The following CEP76 variants were observed in gnomAD, a reference collection of about 807,000 sequenced individuals.
CEP76 encodes the protein centrosomal protein of 76 kDa.
Under a neutral mutation model 83.3 loss-of-function variants are expected in CEP76, and 55 were observed. That is an observed-to-expected ratio of 0.66 (90% CI 0.53 to 0.83). CEP76 has a LOEUF of 0.83. CEP76 is among the 40% of genes least tolerant of loss of function. The probability of loss-of-function intolerance (pLI) is 0.00; values close to 1 mark genes in which losing one functional copy is unlikely to be tolerated. For synonymous variants in CEP76, 270 were observed against 274.5 expected, an observed-to-expected ratio of 0.98 and a Z score of 0.16; for missense variants, 694 against 799.5, an observed-to-expected ratio of 0.87 and a Z score of 1.59.
intron 7 of CEP76, among the ~76,000 whole-genome samples, chr18:12,690,946 C>A (rs570123215): frequency 5.9e-5 from 9 of 151,434 alleles, no homozygotes; most frequent in East Asian, 1.9e-4. Context: ...AGAGCCCCCC[C>A]CCGTTCTGCA....
chr18:12,693,452 C>G (rs962819149), intron 6 of CEP76, among the ~76,000 whole-genome samples: 7 of 151,876 alleles, frequency 4.6e-5, no homozygotes, highest in Admixed American at 1.3e-4. Context: ...AAAAAACAAG[C>G]TACTACCCCA....
intron 8 of CEP76, among the ~76,000 whole-genome samples, chr18:12,683,851 C>T (rs866314326): frequency 5.8e-4 from 88 of 151,132 alleles, no homozygotes; most frequent in African/African-American, 1.8e-3. Context: ...AATTTATTTA[C>T]AATTATAATT....
At chr18:12,676,365 C>T (rs1387058643) in intron 10 of CEP76, among the ~76,000 whole-genome samples, 1 of 145,684 alleles carries the variant, frequency 6.9e-6, no homozygotes, top group Non-Finnish European at 1.5e-5. Context: ...CTCACTGCAA[C>T]CTCTGCCTCC....
intron 8 of CEP76, among the ~76,000 whole-genome samples, chr18:12,683,191 A>AAAAAAAAAAAAAAC (rs1408979107): frequency 6.9e-6 from 1 of 145,718 alleles, no homozygotes; most frequent in Non-Finnish European, 1.5e-5. Flanking sequence ...AATACCAAAA[A>AAAAAAAAAAAAAAC]AAAAAAAAAA....
chr18:12,667,685 T>C (rs968120144), downstream of CEP76, among the ~76,000 whole-genome samples: 7 of 147,902 alleles, frequency 4.7e-5, no homozygotes, highest in Non-Finnish European at 1.0e-4. Flanking sequence ...TGCTTGAATC[T>C]GGGAGGCAGA....
intron 8 of CEP76, among the ~76,000 whole-genome samples, chr18:12,682,023 A>G (rs1228948246): frequency 6.6e-6 from 1 of 152,116 alleles, no homozygotes; most frequent in African/African-American, 2.4e-5. Flanking sequence ...AAAGAAAAGA[A>G]AATATCTGAT....
Position 12,678,190 on chromosome 18 carries a change from C to CA in CEP76, c.1541dup (p.Cys515ValfsTer6), listed in dbSNP as rs769163684. 1.9e-6 allele frequency: 3 copies of CA among 1,614,124 alleles called. No homozygotes were observed. The Admixed American group carries it at 5.0e-5, about 27-fold the overall frequency. ...CTGACGCGTCAATTGTGGATGCACA[C>CA]AGAGGTGGAAAGGGAGGAAGGGATG... On this transcript the variant is annotated frameshift_variant, in exon 10 of 12. Transcript: ENST00000262127. LOFTEE classifies it high-confidence loss of function.
chr18:12,663,141 A>G (rs564652408), intron 12 of CEP76, among the ~76,000 whole-genome samples: 1 of 152,350 alleles, frequency 6.6e-6, no homozygotes, highest in African/African-American at 2.4e-5. Context: ...AGATAATTCA[A>G]ATACATTTCC....
downstream of CEP76, among the ~76,000 whole-genome samples, chr18:12,669,402 G>A (rs1449325007): frequency 5.9e-5 from 9 of 151,770 alleles, no homozygotes; most frequent in South Asian, 8.3e-4. Flanking sequence ...ATGAGCCACC[G>A]CGCCTGGCCC....
At position 12,699,764 on chromosome 18, in the gene CEP76, C is replaced by T. The variant is rs530067824; in HGVS notation, c.295+66G>A. ...AAATGGAAATGTCTTCTATCAAATA[C>T]GAAAGACTACACCACATCAATATTT... On this transcript the variant is annotated intron_variant, in intron 3 of 11. Transcript: ENST00000262127. 5.8e-4 allele frequency: 516 copies of T among 894,154 alleles called. 1 individual carries two copies. Among genetic ancestry groups the T allele is most frequent in the Non-Finnish European group, 8.0e-4 (482 of 600,012 alleles). The allele number at this position is 894,154 out of a possible 1,614,324, so 55.4% of individuals were successfully genotyped here.
intron 2 of CEP76, 29 bp downstream of exon 2, chr18:12,700,929 C>G: frequency 6.3e-7 from 1 of 1,580,354 alleles, no homozygotes; most frequent in Non-Finnish European, 8.7e-7. Context: ...CATATATACT[C>G]TCATTTATTT....
intron 8 of CEP76, among the ~76,000 whole-genome samples, chr18:12,681,395 C>T (rs1050988021): frequency 2.0e-5 from 3 of 151,250 alleles, no homozygotes; most frequent in Non-Finnish European, 2.9e-5. Context: ...TAAAGGTGTG[C>T]ACCATGACAC....
chr18:12,683,109 G>A (rs1194959829), intron 8 of CEP76, among the ~76,000 whole-genome samples: 2 of 149,994 alleles, frequency 1.3e-5, no homozygotes, highest in Non-Finnish European at 3.0e-5. Flanking sequence ...ACTTTGGGAG[G>A]CTGAAGCGGG....
intron 5 of CEP76, 90 bp from the exon 6 acceptor site, chr18:12,695,441 G>C: frequency 2.0e-6 from 1 of 508,022 alleles, no homozygotes; most frequent in Non-Finnish European, 3.5e-6. Flanking sequence ...TAGGCACTTG[G>C]GTGTTTTATC....
intron 7 of CEP76, among the ~76,000 whole-genome samples, chr18:12,688,871 T>C (rs1239642123): frequency 6.6e-6 from 1 of 152,110 alleles, no homozygotes; most frequent in South Asian, 2.1e-4. Flanking sequence ...TCCCAGCACT[T>C]TGGGAGGCCG....
Position 12,686,290 on chromosome 18 carries a change from G to A in CEP76, c.1094C>T (p.Thr365Ile), listed in dbSNP as rs770036587. The change falls in exon 8 of 12, where the codon ACT becomes ATT. Residue 365 changes from threonine to isoleucine, a missense_variant. Physicochemically the swap from Thr to Ile is moderately conservative, Grantham distance 89. Transcript: ENST00000262127. The stretch of plus-strand genomic sequence containing the variant: ...GTTTCTACAGAGAAAGGCCAGCAGA[G>A]TGCACCACTGCTCCTGTTTACCTCC... ...GGGGKQEQWC[T>I]LLAFLCRNKG... The A allele has an allele frequency of 1.2e-5, 20 of 1,613,910 alleles. No individual in the cohort carries two copies. Among genetic ancestry groups the A allele is most frequent in the Non-Finnish European group, 1.7e-5 (20 of 1,179,942 alleles).
In CEP76 at chr18:12,680,747, T is replaced by C. The variant is rs2039318315; in HGVS notation, c.1204A>G (p.Lys402Glu). The change falls in exon 9 of 12, where the codon AAG (lysine) becomes GAG (glutamate). Residue 402 changes from lysine (K) to glutamate (E), a missense_variant. Coordinates refer to ENST00000262127, the MANE Select transcript of CEP76 (RefSeq NM_024899.4). ...CATGCATGAGGTACTCCTTTTGCCT[T>C]GGTCCCAACACAAACAAAGGCTTCT... ...GLEAFVCVGT[K>E]AKGVPHAWVM... is the part of the protein sequence containing the mutation. 3 of 1,613,858 alleles carry C rather than the reference T, an allele frequency of 1.9e-6. No homozygotes were observed. The highest frequency in any genetic ancestry group is 2.5e-6 in the Non-Finnish European group (3 of 1,179,860).
chr18:12,696,605 T>C (rs2039966610), intron 5 of CEP76, among the ~76,000 whole-genome samples: 1 of 152,208 alleles, frequency 6.6e-6, no homozygotes, highest in Non-Finnish European at 1.5e-5. Context: ...AATTCCATTA[T>C]ATGTTATAGA....
At chr18:12,671,883 T>A (rs900295919), downstream of CEP76, among the ~76,000 whole-genome samples, 5 of 152,136 alleles carry the variant, frequency 3.3e-5, no homozygotes, top group Non-Finnish European at 4.4e-5. Flanking sequence ...TACAGTGGCA[T>A]GATCTTGGCT....
Sources: gnomAD v4.1 joint callset for allele counts (sites outside exome capture counted in the v4.1 genomes callset) on GRCh38, gnomAD v4.1.1 for gene constraint, MANE v1.5 for transcripts, NCBI Gene and HGNC (gene_info 2026-07-23, HGNC 2026-07-21) for gene names.